The following HYDIN variants were observed in gnomAD, a reference collection of about 807,000 sequenced individuals.
HYDIN encodes HYDIN axonemal central pair apparatus protein, also known as axonemal central pair apparatus protein HYDIN.
A neutral mutation model predicts 403.9 loss-of-function variants in HYDIN; 132 were observed. The ratio of observed to expected loss-of-function variants is 0.33; its 90% CI spans 0.28 to 0.38. HYDIN has a LOEUF of 0.38. HYDIN is among the 10% of genes least tolerant of loss of function. The pLI, the probability that HYDIN is intolerant of heterozygous loss-of-function variation, is 1.00. For synonymous variants in HYDIN, 1,202 were observed against 1,891.7 expected, an observed-to-expected ratio of 0.64 and a Z score of 9.46; for missense variants, 2,827 against 5,009.5, an observed-to-expected ratio of 0.56 and a Z score of 13.15.
chr16:71,207,056 A>G (rs2088336461), intron 1 of HYDIN, among the ~76,000 whole-genome samples: 1 of 152,202 alleles, frequency 6.6e-6, no homozygotes, highest in Non-Finnish European at 1.5e-5. Flanking sequence ...GCCAACATTC[A>G]AATTCAGAAA....
At chr16:70,836,113 G>A (rs1050965142) in intron 77 of HYDIN, among the ~76,000 whole-genome samples, 2 of 152,206 alleles carry the variant, frequency 1.3e-5, no homozygotes, top group African/African-American at 4.8e-5. Context: ...AACTAGGCTA[G>A]GGGGCTCAGG....
At chr16:70,956,256 TA>T (rs2078231803) in intron 39 of HYDIN, among the ~76,000 whole-genome samples, 1 of 34,130 alleles carries the variant, frequency 2.9e-5, no homozygotes, top group East Asian at 5.8e-4. Flanking sequence ...GTACTTTCAT[TA>T]CAAAAAAAAA....
chr16:70,923,972 A>G (rs953844368), intron 45 of HYDIN, among the ~76,000 whole-genome samples: 8 of 152,170 alleles, frequency 5.3e-5, no homozygotes, highest in African/African-American at 1.4e-4. Flanking sequence ...AAAGGTACAA[A>G]TAAACAACAT....
chr16:71,040,808 C>T (rs1450526243), intron 18 of HYDIN, among the ~76,000 whole-genome samples: 1 of 112,528 alleles, frequency 8.9e-6, no homozygotes, highest in Admixed American at 8.4e-5. Flanking sequence ...TTTACCTTTC[C>T]CAAGTGTCCC....
chr16:70,831,510 G>GAA (rs61309070), intron 80 of HYDIN, among the ~76,000 whole-genome samples: 15 of 38,214 alleles, frequency 3.9e-4, no homozygotes, highest in South Asian at 2.0e-3. Context: ...CTCTGTCTCA[G>GAA]AAAAAAAAAA....
intron 6 of HYDIN, among the ~76,000 whole-genome samples, chr16:71,154,317 CGT>C (rs962276531): frequency 3.4e-5 from 5 of 146,926 alleles, no homozygotes; most frequent in African/African-American, 1.0e-4. Context: ...TTATGGGGTA[CGT>C]GAGATGTTTT....
At chr16:70,834,911 C>CAT (rs1386156889) in intron 78 of HYDIN, among the ~76,000 whole-genome samples, 4 of 143,354 alleles carry the variant, frequency 2.8e-5, no homozygotes, top group South Asian at 2.2e-4. Context: ...TACACACACA[C>CAT]ATATATACAC....
intron 59 of HYDIN, among the ~76,000 whole-genome samples, chr16:70,883,115 A>G (rs929283276): frequency 2.2e-4 from 34 of 152,286 alleles, no homozygotes; most frequent in African/African-American, 6.3e-4. Flanking sequence ...TTTTCTCCCA[A>G]TGGTAAGATC....
chr16:71,118,599 CTA>C (rs1159483622), intron 9 of HYDIN, among the ~76,000 whole-genome samples: 1 of 151,976 alleles, frequency 6.6e-6, no homozygotes, highest in Non-Finnish European at 1.5e-5. Context: ...CAAAAGAGAC[CTA>C]TGAGAGCATA....
chr16:71,081,166 T>C (rs1196438233), intron 12 of HYDIN, among the ~76,000 whole-genome samples: 6 of 152,314 alleles, frequency 3.9e-5, no homozygotes, highest in African/African-American at 1.4e-4. Flanking sequence ...AGTTATCTTG[T>C]TTACCTTCAG....
chr16:71,202,090 T>C (rs1598018641), intron 1 of HYDIN, among the ~76,000 whole-genome samples: 1 of 152,326 alleles, frequency 6.6e-6, no homozygotes, highest in East Asian at 1.9e-4. Flanking sequence ...TTTGATTCTG[T>C]CAACACCAGA....
chr16:71,204,167 C>T (rs2088171436), intron 1 of HYDIN: 1 of 168,966 alleles, frequency 5.9e-6, no homozygotes, highest in African/African-American at 2.4e-5. Context: ...GTTATTTTTG[C>T]AAACATTATT....
chr16:71,056,835 T>C (rs1224940564), intron 18 of HYDIN, among the ~76,000 whole-genome samples: 3 of 142,124 alleles, frequency 2.1e-5, no homozygotes, highest in African/African-American at 7.7e-5. Context: ...GTACTGTACG[T>C]CAAGTTGAAA....
At position 70,868,659 on chromosome 16, in the gene HYDIN, G is replaced by A. The variant is rs1237718128; in HGVS notation, c.11221C>T (p.Gln3741Ter). ...ATGCGGTCATCCCAGTCGGGGACCTGGTCTGCAGGGAGCTGAAACATAATC... is the reference window on the plus strand; with the variant it reads ...ATGCGGTCATCCCAGTCGGGGACCTAGTCTGCAGGGAGCTGAAACATAATC... ...SRIMFQLPAD[Q>*]VPDWDDRMHT... is the part of the protein sequence containing the mutation. The change falls in exon 66 of 86, where the codon CAG (glutamine) becomes TAG (stop). Residue 3741 changes from glutamine to a stop codon, truncating the protein, a stop_gained. Coordinates refer to ENST00000393567, the MANE Select transcript of HYDIN (RefSeq NM_001270974.2). LOFTEE classifies it high-confidence loss of function. The A allele has an allele frequency of 1.2e-6, 2 of 1,614,170 alleles. No individual in the cohort carries two copies. Among genetic ancestry groups the A allele is most frequent in the East Asian group, 2.2e-5 (1 of 44,880 alleles).
intron 23 of HYDIN, among the ~76,000 whole-genome samples, chr16:71,015,979 G>GT (rs1216663685): frequency 6.6e-6 from 1 of 151,852 alleles, no homozygotes; most frequent in Non-Finnish European, 1.5e-5. Context: ...AAATGAACCA[G>GT]AACAGAAACC....
intron 12 of HYDIN, chr16:71,081,096 G>A (rs577069109): frequency 2.0e-5 from 3 of 151,910 alleles, no homozygotes; most frequent in African/African-American, 7.3e-5. Flanking sequence ...TATTAAGTAT[G>A]TGTTGTTTGA....
chr16:70,841,783 C>G (rs2037844679), intron 75 of HYDIN, among the ~76,000 whole-genome samples: 1 of 151,926 alleles, frequency 6.6e-6, no homozygotes, highest in Admixed American at 6.6e-5. Context: ...TGCCATCTGC[C>G]ATGTTACGAT....
chr16:71,229,654 G>A (rs1372518532), intron 1 of HYDIN, among the ~76,000 whole-genome samples: 1 of 152,136 alleles, frequency 6.6e-6, no homozygotes. Context: ...AAAGTGCTAT[G>A]TATGTTATAA....
chr16:71,151,018 T>C (rs1315661321), intron 7 of HYDIN, among the ~76,000 whole-genome samples: 2 of 152,062 alleles, frequency 1.3e-5, no homozygotes, highest in Non-Finnish European at 2.9e-5. Flanking sequence ...CACTAGTATG[T>C]CTAAAATTGA....
Sources: allele counts gnomAD v4.1 joint callset (sites outside exome capture counted in the v4.1 genomes callset), GRCh38; gene constraint gnomAD v4.1.1; transcripts MANE v1.5; gene names NCBI Gene and HGNC (gene_info 2026-07-23, HGNC 2026-07-21).